The following CHCHD3 variants were observed in gnomAD, a reference collection of about 807,000 sequenced individuals.
CHCHD3 encodes coiled-coil-helix-coiled-coil-helix domain containing 3, also known as MICOS complex subunit MIC19.
Under a neutral mutation model 38.2 loss-of-function variants are expected in CHCHD3, and 20 were observed. That is an observed-to-expected ratio of 0.52 (90% confidence interval 0.37 to 0.76). The LOEUF (loss-of-function observed/expected upper bound fraction) is 0.76. Ranked by LOEUF, CHCHD3 falls within the 30% of genes least tolerant of loss-of-function variation. CHCHD3 has a pLI of 0.00. For missense variants in CHCHD3, 245 were observed against 279.2 expected (o/e 0.88, Z 0.87); for synonymous variants, 82 against 100.0 (o/e 0.82, Z 1.07).
intron 2 of CHCHD3, among the ~76,000 whole-genome samples, chr7:133,068,124 A>T (rs183341615): frequency 4.6e-5 from 7 of 152,320 alleles, no homozygotes; most frequent in Middle Eastern, 3.4e-3. Flanking sequence ...AAAAGAAAAA[A>T]AAAAATAAAA....
chr7:132,951,130 T>G (rs927656296), intron 4 of CHCHD3, among the ~76,000 whole-genome samples: 3 of 152,284 alleles, frequency 2.0e-5, no homozygotes, highest in East Asian at 3.9e-4. Flanking sequence ...CCCCCACTGT[T>G]TGTCTGCATG....
intron 4 of CHCHD3, among the ~76,000 whole-genome samples, chr7:132,930,163 ATTTTTTT>A (rs769791949): frequency 7.8e-6 from 1 of 127,500 alleles, no homozygotes; most frequent in Non-Finnish European, 1.7e-5. Flanking sequence ...CCCACTCCTA[ATTTTTTT>A]TTTTTTTTTT....
chr7:132,824,336 T>TTTTTTTTTTA (rs1807454286), intron 6 of CHCHD3, among the ~76,000 whole-genome samples: 2 of 145,514 alleles, frequency 1.4e-5, no homozygotes, highest in Non-Finnish European at 1.5e-5. Flanking sequence ...TTTTTTTTTT[T>TTTTTTTTTTA]GAGACGGAGT....
At chr7:133,017,482 C>T (rs1288718506) in intron 3 of CHCHD3, among the ~76,000 whole-genome samples, 1 of 152,202 alleles carries the variant, frequency 6.6e-6, no homozygotes, top group East Asian at 1.9e-4. Context: ...AAGACTATTA[C>T]AGCTATATAA....
At chr7:132,999,346 G>A (rs1035702101) in intron 3 of CHCHD3, among the ~76,000 whole-genome samples, 2 of 152,150 alleles carry the variant, frequency 1.3e-5, no homozygotes, top group Non-Finnish European at 2.9e-5. Flanking sequence ...AATGATTATT[G>A]TGGAATCCAA....
In CHCHD3 at chr7:133,068,472, T is replaced by C. The variant is rs975298795; in HGVS notation, c.169+1670A>G. ...GAGAGGGACCAGTCATGATATATGA[T>C]GGAAGCCCAGGGAAGCAGCTCAGAC... On this transcript the variant is annotated intron_variant, in intron 2 of 7. Coordinates refer to ENST00000262570, the MANE Select transcript of CHCHD3 (RefSeq NM_017812.4). Among the ~76,000 whole-genome samples, 4 of 152,296 alleles carry C rather than the reference T, an allele frequency of 2.6e-5. No individual in the cohort carries two copies. In the South Asian group the frequency reaches 8.3e-4, roughly 32 times the overall value.
intron 4 of CHCHD3, among the ~76,000 whole-genome samples, chr7:132,907,776 A>T (rs1011987351): frequency 2.6e-5 from 4 of 152,208 alleles, no homozygotes; most frequent in African/African-American, 7.2e-5. Flanking sequence ...TAGGGAAACC[A>T]TTAAAGGGCC....
chr7:133,037,142 A>T (rs1192258624), intron 2 of CHCHD3, among the ~76,000 whole-genome samples: 1 of 152,236 alleles, frequency 6.6e-6, no homozygotes, highest in Non-Finnish European at 1.5e-5. Context: ...ATGAATGATG[A>T]CGAGACCAAA....
chr7:132,977,674 C>A (rs1265090711), intron 3 of CHCHD3, among the ~76,000 whole-genome samples: 1 of 152,172 alleles, frequency 6.6e-6, no homozygotes, highest in Non-Finnish European at 1.5e-5. Context: ...TATTCAAATT[C>A]TATTATTAGT....
intron 2 of CHCHD3, chr7:133,052,194 T>C (rs1055736038): frequency 5.3e-5 from 8 of 152,200 alleles, no homozygotes; most frequent in African/African-American, 1.9e-4. Context: ...TTGTATCAAT[T>C]GCCTCTGTGC....
chr7:133,029,257 CCA>C (rs1352453306), intron 2 of CHCHD3, among the ~76,000 whole-genome samples: 2 of 152,074 alleles, frequency 1.3e-5, no homozygotes, highest in African/African-American at 4.8e-5. Flanking sequence ...ATATCGAGCA[CCA>C]CACAGTTACC....
At chr7:132,959,558 G>A (rs575474225) in intron 4 of CHCHD3, among the ~76,000 whole-genome samples, 2 of 151,762 alleles carry the variant, frequency 1.3e-5, no homozygotes, top group Admixed American at 6.6e-5. Flanking sequence ...CTCTGTCTCC[G>A]ATGAAAATAC....
At chr7:132,817,859 T>A (rs1445145819) in intron 6 of CHCHD3, among the ~76,000 whole-genome samples, 1 of 150,120 alleles carries the variant, frequency 6.7e-6, no homozygotes, top group Non-Finnish European at 1.5e-5. Context: ...GCCACTGTAT[T>A]CCAGCCTGAG....
intron 5 of CHCHD3, 22 bp downstream of exon 5, chr7:132,885,640 C>A (rs1809187005): frequency 5.8e-6 from 9 of 1,540,304 alleles, no homozygotes; most frequent in Non-Finnish European, 8.0e-6. Flanking sequence ...GTAATAGAAT[C>A]AATGATAAAA....
At chr7:132,979,250 C>G (rs1014700) in intron 3 of CHCHD3, among the ~76,000 whole-genome samples, 108,581 of 152,082 alleles carry the variant, frequency 0.71, 38,910 homozygotes, top group African/African-American at 0.75. Context: ...TATCTCCCAG[C>G]TTGATACTGT....
intron 3 of CHCHD3, among the ~76,000 whole-genome samples, chr7:132,986,438 A>T (rs79558752): frequency 6.7e-6 from 1 of 149,548 alleles, no homozygotes; most frequent in Non-Finnish European, 1.5e-5. Context: ...AAAAAAAAAA[A>T]AGAAAATACA....
chr7:132,898,256 T>A (rs1809559951), intron 4 of CHCHD3, among the ~76,000 whole-genome samples: 1 of 152,158 alleles, frequency 6.6e-6, no homozygotes, highest in Admixed American at 6.5e-5. Flanking sequence ...TGGGGCAGCC[T>A]GCTTTTATAT....
At chr7:132,993,003 CT>C (rs771862545) in intron 3 of CHCHD3, among the ~76,000 whole-genome samples, 2 of 152,150 alleles carry the variant, frequency 1.3e-5, no homozygotes, top group African/African-American at 2.4e-5. Flanking sequence ...GCTTGCAGTC[CT>C]TTTAGGTGTC....
intron 2 of CHCHD3, among the ~76,000 whole-genome samples, chr7:133,069,172 AC>A (rs1375259228): frequency 6.6e-6 from 1 of 152,154 alleles, no homozygotes; most frequent in Non-Finnish European, 1.5e-5. Context: ...GCGTTAATTA[AC>A]TGTGAATCCT....
Sources: allele counts gnomAD v4.1 joint callset (sites outside exome capture counted in the v4.1 genomes callset), GRCh38; gene constraint gnomAD v4.1.1; transcripts MANE v1.5; gene names NCBI Gene and HGNC (gene_info 2026-07-23, HGNC 2026-07-21).